Variants in KANK4 observed in about 807,000 individuals in gnomAD.
KANK4 encodes KN motif and ankyrin repeat domains 4, also known as KN motif and ankyrin repeat domain-containing protein 4.
Under a neutral mutation model 80.8 loss-of-function variants are expected in KANK4, and 50 were observed. The observed-to-expected ratio is 0.62, with a 90% CI of 0.49 to 0.78. KANK4 has a LOEUF of 0.78. KANK4 is among the 30% of genes least tolerant of loss of function. The pLI, the probability that KANK4 is intolerant of heterozygous loss-of-function variation, is 0.00. For synonymous variants in KANK4, 465 were observed against 506.9 expected, an observed-to-expected ratio of 0.92 and a Z score of 1.11; for missense variants, 1,196 against 1,240.1, an observed-to-expected ratio of 0.96 and a Z score of 0.53.
At chr1:62,261,152 C>CTT (rs11322195) in intron 7 of KANK4, among the ~76,000 whole-genome samples, 112 of 68,358 alleles carry the variant, frequency 1.6e-3, no homozygotes, top group African/African-American at 3.3e-3. Flanking sequence ...CTCCCAATGG[C>CTT]TTTTTTTTTT....
At position 62,286,971 on chromosome 1, in the gene KANK4, C is replaced by T. The variant is rs561011600; in HGVS notation, c.-70-5337G>A. ...AAAAGCAAGGAAGTACCTGCTGTGACGACCAAATTACTGTTCAGTGGATCC... is the reference window on the plus strand; with the variant it reads ...AAAAGCAAGGAAGTACCTGCTGTGATGACCAAATTACTGTTCAGTGGATCC... On this transcript the variant is annotated intron_variant, in intron 1 of 9. Transcript: ENST00000371153. 5.9e-5 allele frequency among the ~76,000 whole-genome samples: 9 copies of T among 152,302 alleles called. No individual in the cohort carries two copies. The South Asian group carries it at 1.2e-3, about 21-fold the overall frequency.
At chr1:62,266,703 CTT>C in intron 6 of KANK4, 27 bp downstream of exon 6, 1 of 1,462,942 alleles carries the variant, frequency 6.8e-7, no homozygotes, top group Non-Finnish European at 9.6e-7. Context: ...GAAGGGAAAT[CTT>C]TACATGACAA....
intron 7 of KANK4, among the ~76,000 whole-genome samples, chr1:62,262,524 C>A (rs571727982): frequency 3.7e-4 from 56 of 152,228 alleles, no homozygotes; most frequent in African/African-American, 1.3e-3. Context: ...GACATGGAAT[C>A]AACCTAAATG....
At chr1:62,286,637 C>A (rs1052510490) in intron 1 of KANK4, among the ~76,000 whole-genome samples, 1 of 152,178 alleles carries the variant, frequency 6.6e-6, no homozygotes, top group Non-Finnish European at 1.5e-5. Flanking sequence ...TTCCTCCCTG[C>A]AGCTGATGTG....
At chr1:62,267,644 T>C (rs556492113) in intron 5 of KANK4, among the ~76,000 whole-genome samples, 1 of 151,782 alleles carries the variant, frequency 6.6e-6, no homozygotes, top group African/African-American at 2.4e-5. Context: ...TACTAAAAAA[T>C]ACAAAAAAAT....
intron 8 of KANK4, among the ~76,000 whole-genome samples, chr1:62,248,127 T>C (rs1303536745): frequency 6.6e-6 from 1 of 152,134 alleles, no homozygotes; most frequent in African/African-American, 2.4e-5. Context: ...CCAGGAAGCC[T>C]TCTCTGCTCA....
chr1:62,304,717 G>A (rs1644437439), intron 1 of KANK4, among the ~76,000 whole-genome samples: 4 of 151,724 alleles, frequency 2.6e-5, no homozygotes, highest in Admixed American at 1.3e-4. Flanking sequence ...CCGCCCCCTC[G>A]CCAACAGCCT....
intron 1 of KANK4, among the ~76,000 whole-genome samples, chr1:62,313,085 T>C (rs900280246): frequency 6.6e-6 from 1 of 152,218 alleles, no homozygotes; most frequent in Non-Finnish European, 1.5e-5. Context: ...AGAAAGACCA[T>C]ATTCACATAG....
intron 1 of KANK4, among the ~76,000 whole-genome samples, chr1:62,316,117 G>T (rs59778785): frequency 0.06 from 9,087 of 152,318 alleles, 939 homozygotes; most frequent in African/African-American, 0.2. Context: ...AAGGTCAATA[G>T]CTGGGCCTCT....
At chr1:62,259,552 T>G (rs1222229925) in intron 7 of KANK4, among the ~76,000 whole-genome samples, 3 of 152,074 alleles carry the variant, frequency 2.0e-5, no homozygotes, top group African/African-American at 7.2e-5. Context: ...GCCAGGATTA[T>G]AGGCGTGAGC....
intron 1 of KANK4, among the ~76,000 whole-genome samples, chr1:62,293,430 C>G (rs1443683604): frequency 6.6e-6 from 1 of 152,004 alleles, no homozygotes; most frequent in African/African-American, 2.4e-5. Context: ...AAAGCAGAGT[C>G]CCTGGCCCAG....
chr1:62,261,412 G>A (rs1209066942), intron 7 of KANK4, among the ~76,000 whole-genome samples: 6 of 151,724 alleles, frequency 4.0e-5, no homozygotes, highest in South Asian at 2.1e-4. Context: ...CACCCGCTTC[G>A]GCCTCCCAAA....
chr1:62,292,903 C>T (rs193121264), intron 1 of KANK4, among the ~76,000 whole-genome samples: 97 of 152,306 alleles, frequency 6.4e-4, no homozygotes, highest in Non-Finnish European at 1.3e-3. Context: ...TCTAGTCCTG[C>T]CATCCACCTT....
intron 1 of KANK4, among the ~76,000 whole-genome samples, chr1:62,296,544 T>C (rs1644365925): frequency 6.6e-6 from 1 of 152,106 alleles, no homozygotes; most frequent in South Asian, 2.1e-4. Context: ...TTTGGTGGTT[T>C]TTTTGGTTTT....
rs79471719 is a variant in KANK4, at chr1:62,281,423, A to G, written c.16+126T>C. 3,509 of 1,134,544 alleles carry G rather than the reference A, an allele frequency of 3.1e-3. 84 individuals are homozygous for G. The African/African-American group carries it at 0.049, about 16-fold the overall frequency. 70.3% of individuals were successfully genotyped at this position (1,134,544 alleles called of 1,614,324 possible). ...TCTGAAATACATGCTTGAGCCTACC[A>G]GCACTGCCTGTTTGAGGGATATCTC... On this transcript the variant is annotated intron_variant, in intron 2 of 9. Coordinates refer to ENST00000371153, the MANE Select transcript of KANK4 (RefSeq NM_181712.5).
intron 1 of KANK4, among the ~76,000 whole-genome samples, chr1:62,291,522 G>A (rs1672678196): frequency 6.6e-6 from 1 of 152,140 alleles, no homozygotes; most frequent in Non-Finnish European, 1.5e-5. Flanking sequence ...GCTCACCACA[G>A]GCTCAAACGC....
At chr1:62,317,915 T>C (rs1020435771) in intron 1 of KANK4, among the ~76,000 whole-genome samples, 4 of 152,140 alleles carry the variant, frequency 2.6e-5, no homozygotes, top group African/African-American at 9.7e-5. Flanking sequence ...TCTGGTCTGA[T>C]CCCCGAGCCA....
intron 1 of KANK4, among the ~76,000 whole-genome samples, chr1:62,314,052 C>A (rs952079692): frequency 6.6e-6 from 1 of 152,046 alleles, no homozygotes; most frequent in African/African-American, 2.4e-5. Context: ...TTGCTCTTGC[C>A]GCCCAGGCTG....
chr1:62,306,066 C>T (rs1156311844), intron 1 of KANK4, among the ~76,000 whole-genome samples: 1 of 152,072 alleles, frequency 6.6e-6, no homozygotes, highest in Non-Finnish European at 1.5e-5. Flanking sequence ...CTCACTGTGG[C>T]CTCAAACTCC....
Sources: allele counts gnomAD v4.1 joint callset (sites outside exome capture counted in the v4.1 genomes callset), GRCh38; gene constraint gnomAD v4.1.1; transcripts MANE v1.5; gene names NCBI Gene and HGNC (gene_info 2026-07-23, HGNC 2026-07-21).